TMPRSS13: variants seen among roughly 807,000 people sequenced by gnomAD.
TMPRSS13 encodes the protein transmembrane protease serine 13.
Under a neutral mutation model 68.4 loss-of-function variants are expected in TMPRSS13, and 50 were observed. The ratio of observed to expected loss-of-function variants is 0.73; its 90% CI spans 0.58 to 0.93. TMPRSS13 has a LOEUF of 0.93. Among genes scored for constraint, TMPRSS13 ranks in the 40% least tolerant of loss-of-function variants. The pLI is 0.00. For missense variants in TMPRSS13, 615 were observed against 729.2 expected (o/e 0.84, Z 1.80); for synonymous variants, 267 against 285.8 (o/e 0.93, Z 0.66).
chr11:117,916,184 C>G (rs117268885), intron 3 of TMPRSS13, among the ~76,000 whole-genome samples: 7 of 152,198 alleles, frequency 4.6e-5, no homozygotes, highest in African/African-American at 1.4e-4. Context: ...GTTTAAAGCT[C>G]TCTACAGCAT....
chr11:117,911,473 A>C (rs1431132547), intron 6 of TMPRSS13, among the ~76,000 whole-genome samples: 1 of 152,034 alleles, frequency 6.6e-6, no homozygotes, highest in Non-Finnish European at 1.5e-5. Context: ...CAGTCCAAAC[A>C]CCTGGCCGAC....
At chr11:117,916,199 C>G (rs1248213970) in intron 3 of TMPRSS13, among the ~76,000 whole-genome samples, 2 of 152,220 alleles carry the variant, frequency 1.3e-5, no homozygotes. Context: ...CAGCATGGCC[C>G]AGCCTTGCTG....
chr11:117,923,852 A>AAAAG (rs2057671441), intron 1 of TMPRSS13, among the ~76,000 whole-genome samples: 2 of 151,502 alleles, frequency 1.3e-5, no homozygotes, highest in Admixed American at 6.6e-5. Flanking sequence ...AAAAAAAAAA[A>AAAAG]AAAAGCTCTC....
intron 9 of TMPRSS13, chr11:117,907,742 G>T (rs1239449587): frequency 3.2e-6 from 3 of 940,496 alleles, no homozygotes; most frequent in East Asian, 2.3e-4. Flanking sequence ...AGTTGCTCCC[G>T]CCTATGCCAC....
At chr11:117,908,899 A>T in intron 8 of TMPRSS13, 115 bp from the exon 9 acceptor site, 2 of 1,017,908 alleles carry the variant, frequency 2.0e-6, no homozygotes, top group Non-Finnish European at 2.8e-6. Flanking sequence ...AGGAGGATGG[A>T]TAAAATGACC....
rs908329890 is a variant in TMPRSS13, at chr11:117,929,365, T to C, written c.-58A>G. 75 of 1,566,238 alleles carry C rather than the reference T, an allele frequency of 4.8e-5. No individual in the cohort carries two copies. Among genetic ancestry groups the C allele is most frequent in the African/African-American group, 6.8e-5 (5 of 73,772 alleles). On this transcript the variant is annotated 5_prime_UTR_variant, in exon 1 of 13. Coordinates refer to ENST00000524993, the MANE Select transcript of TMPRSS13 (RefSeq NM_001077263.3). ...CTGATGTCGAGGAGAAGATCCATCT[T>C]GGTCCCTGGCTTCTCAGGCATGTAG...
chr11:117,908,320 C>G (rs1390737936), intron 9 of TMPRSS13: 4 of 585,234 alleles, frequency 6.8e-6, no homozygotes, highest in East Asian at 2.8e-5. Context: ...TCAGTTAATA[C>G]CAGTGAAAGA....
intron 2 of TMPRSS13, 27 bp downstream of exon 2, chr11:117,918,382 G>C (rs777372444): frequency 1.2e-6 from 2 of 1,606,342 alleles, no homozygotes; most frequent in South Asian, 2.2e-5. Context: ...CCCATCTCTC[G>C]TGGCTTCCCT....
chr11:117,910,543 T>C (rs1212374725), intron 7 of TMPRSS13, 164 bp downstream of exon 7: 6 of 598,268 alleles, frequency 1.0e-5, no homozygotes, highest in Non-Finnish European at 1.7e-5. Flanking sequence ...ACCCTGGGTG[T>C]ACCGGTGCCT....
chr11:117,907,313 G>GCGTGT (rs1269366871), intron 9 of TMPRSS13: 1 of 152,384 alleles, frequency 6.6e-6, no homozygotes, highest in Admixed American at 6.5e-5. Flanking sequence ...AGGCTGGTGG[G>GCGTGT]CGTGTCGTGT....
At chr11:117,905,617 C>T in intron 10 of TMPRSS13, 21 bp downstream of exon 10, 2 of 1,572,920 alleles carry the variant, frequency 1.3e-6, no homozygotes, top group South Asian at 2.3e-5. Flanking sequence ...ATACACACAA[C>T]CAAGCATCTT....
In TMPRSS13 at chr11:117,920,309, G is replaced by A. The variant is rs538419402; in HGVS notation, c.22-1471C>T. The stretch of plus-strand genomic sequence containing the variant: ...ATACACAGTGAGGGTGTGGTGAGCC[G>A]TGTCTGTGATGGAGGGGTTTTGTTT... On this transcript the variant is annotated intron_variant, in intron 1 of 12. Transcript: ENST00000524993. 1.3e-4 allele frequency among the ~76,000 whole-genome samples: 19 copies of A among 149,338 alleles called. 1 individual carries two copies. The highest frequency in any genetic ancestry group is 6.6e-4 in the South Asian group (3 of 4,566).
At chr11:117,926,070 C>T (rs1403742626) in intron 1 of TMPRSS13, among the ~76,000 whole-genome samples, 1 of 151,322 alleles carries the variant, frequency 6.6e-6, no homozygotes, top group Admixed American at 6.6e-5. Flanking sequence ...GGGCATAGGG[C>T]AGGTGCCAGG....
intron 10 of TMPRSS13, among the ~76,000 whole-genome samples, chr11:117,904,338 T>A (rs2057441901): frequency 6.6e-6 from 1 of 151,974 alleles, no homozygotes; most frequent in Non-Finnish European, 1.5e-5. Flanking sequence ...GACAGAGACA[T>A]CCATGCACAC....
At chr11:117,909,129 T>C (rs2057494534) in intron 8 of TMPRSS13, among the ~76,000 whole-genome samples, 2 of 152,114 alleles carry the variant, frequency 1.3e-5, no homozygotes, top group African/African-American at 2.4e-5. Context: ...GGCCTCGATA[T>C]GAACTGACAG....
At chr11:117,903,432 C>T in intron 12 of TMPRSS13, 1 of 1,536,432 alleles carries the variant, frequency 6.5e-7, no homozygotes, top group African/African-American at 1.4e-5. Context: ...TAGGTCCACC[C>T]TTTTTCAACC....
intron 10 of TMPRSS13, among the ~76,000 whole-genome samples, chr11:117,904,861 T>A (rs868468358): frequency 2.0e-5 from 2 of 100,670 alleles, no homozygotes; most frequent in South Asian, 3.2e-4. Context: ...CTAGATAAGA[T>A]TATATATATA....
rs144339133 is a variant in TMPRSS13 at position 117,908,534 on chromosome 11, C to T, written c.1282+78G>A. ...GCTTTGGGGCCCGGATATGAGTTGA[C>T]AGATGCTGACAAGTGCGAGGGCTGC... On this transcript the variant is annotated intron_variant, in intron 9 of 12. Coordinates refer to ENST00000524993, the MANE Select transcript of TMPRSS13 (RefSeq NM_001077263.3). 500 of 1,492,808 alleles carry T rather than the reference C, an allele frequency of 3.3e-4. 1 individual carries two copies. In the African/African-American group the frequency reaches 6.0e-3, roughly 18 times the overall value. 92.5% of individuals were successfully genotyped at this position (1,492,808 alleles called of 1,614,324 possible). A position where few individuals can be genotyped will look rare whatever the true frequency, so the allele number is the denominator to read the frequency against.
intron 8 of TMPRSS13, 88 bp downstream of exon 8, chr11:117,909,718 C>T (rs1221661101): frequency 6.8e-7 from 1 of 1,472,036 alleles, no homozygotes; most frequent in Non-Finnish European, 9.1e-7. Flanking sequence ...CAGAATCCTC[C>T]TCCACGAAGA....
Sources: gnomAD v4.1 joint callset for allele counts (sites outside exome capture counted in the v4.1 genomes callset) on GRCh38, gnomAD v4.1.1 for gene constraint, MANE v1.5 for transcripts, NCBI Gene and HGNC (gene_info 2026-07-23, HGNC 2026-07-21) for gene names.